Variants in SNRNP200 observed in about 807,000 individuals in gnomAD.
SNRNP200 encodes the protein small nuclear ribonucleoprotein U5 subunit 200, also known as U5 small nuclear ribonucleoprotein 200 kDa helicase.
SNRNP200 carries 66 observed loss-of-function variants against 255.2 expected under a neutral mutation model. The observed-to-expected ratio is 0.26, with a 90% CI of 0.21 to 0.32. The LOEUF (loss-of-function observed/expected upper bound fraction) is 0.32. Ranked by LOEUF, SNRNP200 falls within the 10% of genes least tolerant of loss-of-function variation. The pLI is 1.00. For synonymous variants in SNRNP200, 939 were observed against 1,027.8 expected, an observed-to-expected ratio of 0.91 and a Z score of 1.65; for missense variants, 1,585 against 2,749.8, an observed-to-expected ratio of 0.58 and a Z score of 9.47.
At chr2:96,304,288 A>G (rs1325830061) in intron 2 of SNRNP200, among the ~76,000 whole-genome samples, 1 of 152,196 alleles carries the variant, frequency 6.6e-6, no homozygotes. Flanking sequence ...ACTAAGAAAG[A>G]AACCTGTCTT....
chr2:96,286,397 G>C lies in SNRNP200; in HGVS notation c.3917C>G (p.Pro1306Arg). The C allele has an allele frequency of 6.2e-7, 1 of 1,614,160 alleles. No homozygotes were observed. Among genetic ancestry groups the C allele is most frequent in the Non-Finnish European group, 8.5e-7 (1 of 1,180,024 alleles). The change falls in exon 29 of 45, where the codon CCC (proline) becomes CGC (arginine). Residue 1306 changes from proline to arginine, a missense_variant. By Grantham distance (103) the Pro-to-Arg change is moderately radical. Transcript: ENST00000323853. This position sits in a 1 kb window ranked among gnomAD's most constrained non-coding sequence, Gnocchi z 4.8. The part of the protein sequence containing the change: ...PPPTELLDLQ[P>R]LPVSALRNSA... ...GTTTCTCAGAGCAGACACGGGCAAGGGCTGCAGGTCCAAAAGTTCGGTTGG... is the reference window on the plus strand; with the variant it reads ...GTTTCTCAGAGCAGACACGGGCAAGCGCTGCAGGTCCAAAAGTTCGGTTGG...
chr2:96,296,762 T>C, intron 12 of SNRNP200, 71 bp from the exon 13 acceptor site: 1 of 1,576,926 alleles, frequency 6.3e-7, no homozygotes, highest in Non-Finnish European at 8.7e-7. Context: ...TCCATGGGCT[T>C]ATTTCCCAAA....
At chr2:96,281,574 C>A in intron 35 of SNRNP200, 1 of 508,310 alleles carries the variant, frequency 2.0e-6, no homozygotes, top group Non-Finnish European at 3.6e-6. Flanking sequence ...TCAAACATTC[C>A]TCCTGGCTCT....
intron 43 of SNRNP200, 47 bp from the exon 44 acceptor site, chr2:96,275,396 C>T (rs1415933657): frequency 1.4e-6 from 2 of 1,468,600 alleles, no homozygotes; most frequent in South Asian, 1.1e-5. Context: ...AACTTGATGA[C>T]CATAGGCAAC....
intron 2 of SNRNP200, 71 bp downstream of exon 2, chr2:96,304,621 GCATTCCAGCAAAA>G (rs2063975339): frequency 6.5e-7 from 1 of 1,543,818 alleles, no homozygotes; most frequent in Non-Finnish European, 9.0e-7. Flanking sequence ...CTTACACCAA[GCATTCCAGCAAAA>G]ATGCTGCTCG....
intron 16 of SNRNP200, among the ~76,000 whole-genome samples, chr2:96,292,520 T>G (rs562892710): frequency 6.6e-6 from 1 of 152,342 alleles, no homozygotes; most frequent in Non-Finnish European, 1.5e-5. Context: ...TAGTTTTTCA[T>G]TTTCCTCTTT....
Position 96,275,349 on chromosome 2 carries a change from T to G in SNRNP200, c.6175A>C (p.Lys2059Gln). The part of the protein sequence containing the change: ...GPVIAPLFPQ[K>Q]REEGWWVVIG... ...ACCACCCACCAGCCCTCTTCACGTT[T>G]CTGCAGTGATCCAAAACCAAGAATT... The change falls in exon 44 of 45, where the codon AAA becomes CAA. Residue 2059 changes from lysine to glutamine, a missense_variant and splice_region_variant. By Grantham distance (53) the Lys-to-Gln change is moderately conservative. This residue lies in a region of SNRNP200 where 279 missense variants were observed against 551.2 expected (regional missense o/e 0.51). Coordinates refer to ENST00000323853, the MANE Select transcript of SNRNP200 (RefSeq NM_014014.5). 6.2e-7 allele frequency: 1 copy of G among 1,612,810 alleles called. No individual in the cohort carries two copies. The highest frequency in any genetic ancestry group is 8.5e-7 in the Non-Finnish European group (1 of 1,179,902).
chr2:96,281,997 G>A (rs1684769169), intron 34 of SNRNP200, 75 bp from the exon 35 acceptor site: 5 of 1,137,376 alleles, frequency 4.4e-6, no homozygotes, highest in South Asian at 1.3e-5. Flanking sequence ...TCATGGGCAG[G>A]CCGTGGCTTA....
rs1476373723 is a variant in SNRNP200 at position 96,286,582 on chromosome 2, G to A, written c.3830-98C>T. On this transcript the variant is annotated intron_variant, in intron 28 of 44. Transcript: ENST00000323853. The surrounding 1 kb of genome is among the most constrained non-coding windows in gnomAD (Gnocchi z 4.8). The stretch of plus-strand genomic sequence containing the variant: ...AACACTGGAAACCTAGGCAGCATAT[G>A]TATCACTCTGTCCCCAGCAAGGGCA... 6.3e-7 allele frequency: 1 copy of A among 1,583,888 alleles called. No individual in the cohort carries two copies. Among genetic ancestry groups the A allele is most frequent in the African/African-American group, 1.3e-5 (1 of 74,236 alleles).
In SNRNP200 at chr2:96,290,922, G is replaced by T. The variant is rs576263859; in HGVS notation, c.2422-107C>A. 7 of 1,364,148 alleles carry T rather than the reference G, an allele frequency of 5.1e-6. No individual in the cohort carries two copies. The East Asian group carries it at 7.1e-5, about 14-fold the overall frequency. The allele number at this position is 1,364,148 out of a possible 1,614,324, so 84.5% of individuals were successfully genotyped here. ...CTCAGAGCTTCTCTCAGGACTAGCC[G>T]GTAGGGCGCGTGGGGTCCCAGTACT... On this transcript the variant is annotated intron_variant, in intron 18 of 44. Coordinates refer to ENST00000323853, the MANE Select transcript of SNRNP200 (RefSeq NM_014014.5). This position sits in a 1 kb window ranked among gnomAD's most constrained non-coding sequence, Gnocchi z 4.5.
intron 9 of SNRNP200, 53 bp downstream of exon 9, chr2:96,298,231 T>C: frequency 6.2e-7 from 1 of 1,613,130 alleles, no homozygotes; most frequent in Non-Finnish European, 8.5e-7. Flanking sequence ...TGCTGCAATC[T>C]TCTAGCCACC....
chr2:96,301,744 T>C (rs2063953618), intron 3 of SNRNP200, 28 bp from the exon 4 acceptor site: 5 of 1,613,456 alleles, frequency 3.1e-6, no homozygotes, highest in African/African-American at 2.7e-5. Flanking sequence ...CCAACCAATA[T>C]TGAGAACGAC....
At position 96,297,424 on chromosome 2, in the gene SNRNP200, C is replaced by T. The variant is rs754637490; in HGVS notation, c.1316G>A (p.Arg439His). Residue 439 changes from arginine to histidine, a missense_variant, in exon 11 of 45, where the codon CGT becomes CAT. Physicochemically the swap from Arg to His is conservative, Grantham distance 29 (BLOSUM62 0). Coordinates refer to ENST00000323853, the MANE Select transcript of SNRNP200 (RefSeq NM_014014.5). ...QLPDGSFRRQ[R>H]KGYEEVHVPA... ...CACATGCACCTCTTCATAGCCCTTACGCTGGCGACGGAAGGATCCATCAGG... is the reference window on the plus strand; with the variant it reads ...CACATGCACCTCTTCATAGCCCTTATGCTGGCGACGGAAGGATCCATCAGG... 1.9e-6 allele frequency: 3 copies of T among 1,614,168 alleles called. No individual in the cohort carries two copies. Among genetic ancestry groups the T allele is most frequent in the Non-Finnish European group, 8.5e-7 (1 of 1,180,012 alleles).
chr2:96,304,666 T>C (rs377647290), intron 2 of SNRNP200, 39 bp downstream of exon 2: 17 of 1,613,360 alleles, frequency 1.1e-5, no homozygotes, highest in African/African-American at 2.7e-5. Context: ...GAAGAGACTT[T>C]GGATCTGAAG....
chr2:96,303,319 C>T lies in SNRNP200; in HGVS notation c.221G>A (p.Arg74His). ...QEERRAKRRK[R>H]DEDRHDINKM... ...GTTGATGTCATGCCGGTCCTCATCACGCTTTCTTCGCCTAATGGACATGCA... is the reference window on the plus strand; with the variant it reads ...GTTGATGTCATGCCGGTCCTCATCATGCTTTCTTCGCCTAATGGACATGCA... The change falls in exon 3 of 45, where the codon CGT becomes CAT. Residue 74 changes from arginine to histidine, a missense_variant. Physicochemically the swap from Arg to His is conservative, Grantham distance 29. Coordinates refer to ENST00000323853, the MANE Select transcript of SNRNP200 (RefSeq NM_014014.5). The T allele has an allele frequency of 6.2e-7, 1 of 1,614,168 alleles. No individual in the cohort carries two copies. Among genetic ancestry groups the T allele is most frequent in the Non-Finnish European group, 8.5e-7 (1 of 1,180,026 alleles).
chr2:96,279,738 T>C (rs1573989265), intron 35 of SNRNP200, 179 bp from the exon 36 acceptor site: 2 of 625,334 alleles, frequency 3.2e-6, no homozygotes, highest in Middle Eastern at 3.1e-4. Flanking sequence ...GGCTGGCCTG[T>C]ATAACATTTT....
intron 43 of SNRNP200, among the ~76,000 whole-genome samples, chr2:96,276,174 A>G (rs1470070859): frequency 1.3e-5 from 2 of 152,238 alleles, no homozygotes; most frequent in Non-Finnish European, 2.9e-5. Flanking sequence ...ATTAAACATG[A>G]CAGTATCTGG....
intron 9 of SNRNP200, 75 bp downstream of exon 9, chr2:96,298,208 GA>G: frequency 6.3e-7 from 1 of 1,598,598 alleles, no homozygotes; most frequent in Non-Finnish European, 8.6e-7. Flanking sequence ...CTTTTAACAT[GA>G]ATTTAGCTTC....
At chr2:96,276,693 T>A in intron 43 of SNRNP200, 1 of 653,268 alleles carries the variant, frequency 1.5e-6, no homozygotes, top group Non-Finnish European at 2.8e-6. Flanking sequence ...GTGCTGGGAT[T>A]ACAGGCGTGA....
Sources: gnomAD v4.1 joint callset for allele counts (sites outside exome capture counted in the v4.1 genomes callset) on GRCh38, gnomAD v4.1.1 for gene constraint, gnomAD v4.1.1 regional missense constraint, Gnocchi (gnomAD v3.1) non-coding constraint, MANE v1.5 for transcripts, NCBI Gene and HGNC (gene_info 2026-07-23, HGNC 2026-07-21) for gene names.